The following KALRN variants were observed in gnomAD, a reference collection of about 807,000 sequenced individuals.
KALRN encodes kalirin.
A neutral mutation model predicts 353.7 loss-of-function variants in KALRN; 70 were observed. That is an observed-to-expected ratio of 0.20 (90% CI 0.16 to 0.24). KALRN has a LOEUF of 0.24. Among genes scored for constraint, KALRN ranks in the 10% least tolerant of loss-of-function variants. The pLI is 1.00. For synonymous variants in KALRN, 1,391 were observed against 1,434.8 expected (o/e 0.97, Z 0.69); for missense variants, 2,791 against 3,756.7 (o/e 0.74, Z 6.72).
intron 57 of KALRN, among the ~76,000 whole-genome samples, chr3:124,709,275 A>ATTTT (rs2062781369): frequency 1.3e-5 from 2 of 152,076 alleles, no homozygotes; most frequent in African/African-American, 4.8e-5. Flanking sequence ...TTAAAATTTT[A>ATTTT]TTTTTATTTA....
intron 1 of KALRN, among the ~76,000 whole-genome samples, chr3:124,214,144 G>A (rs2077118666): frequency 6.6e-6 from 1 of 151,588 alleles, no homozygotes; most frequent in South Asian, 2.1e-4. Flanking sequence ...ATATATATAT[G>A]TATATATATA....
chr3:124,630,076 T>C (rs138684557), intron 34 of KALRN, among the ~76,000 whole-genome samples: 1,869 of 152,326 alleles, frequency 0.012, 37 homozygotes, highest in Non-Finnish European at 0.014. Flanking sequence ...TGAAGTGGAC[T>C]TAAAGGGCTT....
chr3:124,621,476 G>T (rs181582984), intron 34 of KALRN, among the ~76,000 whole-genome samples: 81 of 152,320 alleles, frequency 5.3e-4, no homozygotes, highest in African/African-American at 1.9e-3. Flanking sequence ...AGGGGTTTGC[G>T]CTATGCATTT....
intron 34 of KALRN, among the ~76,000 whole-genome samples, chr3:124,566,643 C>T (rs1381888265): frequency 2.6e-5 from 4 of 152,236 alleles, no homozygotes. Flanking sequence ...CTGGGGTCTG[C>T]CCAGAGTGTT....
At chr3:124,572,894 G>A (rs956759003) in intron 34 of KALRN, among the ~76,000 whole-genome samples, 1 of 151,868 alleles carries the variant, frequency 6.6e-6, no homozygotes, top group Admixed American at 6.6e-5. Context: ...TTAAAAAGCC[G>A]GGCATGGTGG....
At chr3:124,149,089 T>C (rs1350433952) in intron 1 of KALRN, among the ~76,000 whole-genome samples, 2 of 152,098 alleles carry the variant, frequency 1.3e-5, no homozygotes, top group African/African-American at 2.4e-5. Context: ...ACACATTGAG[T>C]GAAAAATAGA....
intron 5 of KALRN, among the ~76,000 whole-genome samples, chr3:124,271,356 A>T (rs1377392536): frequency 1.3e-5 from 2 of 152,158 alleles, no homozygotes; most frequent in Non-Finnish European, 2.9e-5. Context: ...TAGGGCACAG[A>T]TAGTGCCTGT....
chr3:124,708,807 C>T (rs7640331), intron 57 of KALRN, among the ~76,000 whole-genome samples: 12,898 of 151,464 alleles, frequency 0.085, 906 homozygotes, highest in East Asian at 0.32. Flanking sequence ...AAACAAAAAC[C>T]ATGCCCAGAA....
At chr3:124,163,572 G>A (rs978384072) in intron 1 of KALRN, 2 of 984,224 alleles carry the variant, frequency 2.0e-6, no homozygotes, top group African/African-American at 3.5e-5. Context: ...GAAAATACAT[G>A]TTTTGCTGGA....
In KALRN at chr3:124,124,736, G is replaced by T. The variant is rs114515784; in HGVS notation, c.73+90923G>T. The stretch of plus-strand genomic sequence containing the variant: ...CCACATTGAGGCAAGACCCTCCACC[G>T]GTAAAAAGATAATGAATTGCTGAAG... On this transcript the variant is annotated intron_variant, in intron 1 of 59. Coordinates refer to ENST00000682506, the MANE Select transcript of KALRN (RefSeq NM_001388419.1). Among the ~76,000 whole-genome samples the T allele has an allele frequency of 2.6e-5, 4 of 152,238 alleles. No homozygotes were observed. In the South Asian group the frequency reaches 6.2e-4, roughly 24 times the overall value.
intron 3 of KALRN, among the ~76,000 whole-genome samples, chr3:124,258,812 A>G (rs1026875073): frequency 1.3e-5 from 2 of 152,226 alleles, no homozygotes; most frequent in Non-Finnish European, 2.9e-5. Context: ...CTGGTTTCAC[A>G]TTGGCAGATT....
chr3:124,315,525 T>A (rs1276658663), intron 6 of KALRN, among the ~76,000 whole-genome samples: 1 of 152,038 alleles, frequency 6.6e-6, no homozygotes, highest in African/African-American at 2.4e-5. Flanking sequence ...TCACTGCTGG[T>A]TCTCTACCCA....
intron 1 of KALRN, among the ~76,000 whole-genome samples, chr3:124,203,677 G>A (rs2076151808): frequency 6.6e-6 from 1 of 152,200 alleles, no homozygotes; most frequent in African/African-American, 2.4e-5. Flanking sequence ...GCCAGGAATT[G>A]TGATAGGTGC....
chr3:124,289,038 G>C (rs2076195112), intron 5 of KALRN, among the ~76,000 whole-genome samples: 1 of 152,138 alleles, frequency 6.6e-6, no homozygotes, highest in East Asian at 1.9e-4. Context: ...CTGGAGGCTG[G>C]GAAGTCCAAG....
intron 22 of KALRN, 139 bp from the exon 23 acceptor site, chr3:124,456,471 G>T: frequency 1.9e-6 from 1 of 540,358 alleles, no homozygotes; most frequent in Admixed American, 3.0e-5. Context: ...GTGCTTATGG[G>T]TATGAGTCTG....
chr3:124,585,460 C>A (rs763489871), intron 34 of KALRN, among the ~76,000 whole-genome samples: 2 of 152,160 alleles, frequency 1.3e-5, no homozygotes, highest in African/African-American at 4.8e-5. Context: ...TAGCTCCGGG[C>A]CGGAGCTTGG....
intron 47 of KALRN, among the ~76,000 whole-genome samples, chr3:124,669,570 T>G (rs767499929): frequency 6.6e-6 from 1 of 152,270 alleles, no homozygotes; most frequent in Non-Finnish European, 1.5e-5. Flanking sequence ...GCCTACTTTA[T>G]AACTCTGCTA....
At chr3:124,694,120 CTGTTTA>C (rs1279744874) in intron 52 of KALRN, among the ~76,000 whole-genome samples, 1 of 152,128 alleles carries the variant, frequency 6.6e-6, no homozygotes, top group Non-Finnish European at 1.5e-5. Context: ...TTCTTTCTTT[CTGTTTA>C]TATTTCCTAT....
At chr3:124,383,680 C>T (rs895993167) in intron 10 of KALRN, among the ~76,000 whole-genome samples, 1 of 152,072 alleles carries the variant, frequency 6.6e-6, no homozygotes, top group Non-Finnish European at 1.5e-5. Flanking sequence ...CTACAATTAT[C>T]CTGTTTCCAA....
Sources: allele counts gnomAD v4.1 joint callset (sites outside exome capture counted in the v4.1 genomes callset), GRCh38; gene constraint gnomAD v4.1.1; transcripts MANE v1.5; gene names NCBI Gene and HGNC (gene_info 2026-07-23, HGNC 2026-07-21).